Variants in CASKIN1 observed in about 807,000 individuals in gnomAD.
CASKIN1 encodes caskin-1.
CASKIN1 carries 42 observed loss-of-function variants against 117.5 expected under a neutral mutation model. The ratio of observed to expected loss-of-function variants is 0.36; its 90% CI spans 0.28 to 0.46. The LOEUF is 0.46. CASKIN1 is among the 20% of genes least tolerant of loss of function. The pLI, the probability that CASKIN1 is intolerant of heterozygous loss-of-function variation, is 1.00. For synonymous variants in CASKIN1, 1,148 were observed against 961.7 expected, an observed-to-expected ratio of 1.19 and a Z score of -3.59; for missense variants, 2,083 against 2,077.3, an observed-to-expected ratio of 1.00 and a Z score of -0.05.
Position 2,187,353 on chromosome 16 carries a change from A to G in CASKIN1, c.726T>C (p.Asp242=). Reference sequence around the variant, plus strand: ...CAGCGCCCCTGGGCCCCACACTCACATCCAGCAGCAGCCGCACCACCTCTG... The same window carrying G: ...CAGCGCCCCTGGGCCCCACACTCACGTCCAGCAGCAGCCGCACCACCTCTG... ...GKTEVVRLLL[D]SGINAHVRNT... The change falls in exon 7 of 20, where the codon GAT becomes GAC. Residue 242 remains aspartate (D), a splice_region_variant and synonymous_variant. Coordinates refer to ENST00000343516, the MANE Select transcript of CASKIN1 (RefSeq NM_020764.4). 6 of 1,612,798 alleles carry G rather than the reference A, an allele frequency of 3.7e-6. No homozygotes were observed. The highest frequency in any genetic ancestry group is 5.1e-6 in the Non-Finnish European group (6 of 1,179,764).
chr16:2,180,559 C>T lies in CASKIN1; in HGVS notation c.2809G>A (p.Ala937Thr). Residue 937 changes from alanine (A) to threonine (T), a missense_variant, in exon 18 of 20, where the codon GCC becomes ACC. Physicochemically the swap from Ala to Thr is moderately conservative, Grantham distance 58 (BLOSUM62 0). Around this residue, in one of 3 missense-constraint regions of CASKIN1, gnomAD observed 1,818 missense variants for 1,688.9 expected, o/e 1.08. Coordinates refer to ENST00000343516, the MANE Select transcript of CASKIN1 (RefSeq NM_020764.4). ...GGCCCCTTCTTTCGGGGCCGCACGG[C>T]AAAGGACTGGCTGCGGTTGACGTTC... is the stretch of plus-strand genomic sequence containing the variant. ...DKNVNRSQSF[A>T]VRPRKKGPPP... 3.2e-6 allele frequency: 5 copies of T among 1,557,074 alleles called. No individual in the cohort carries two copies. Among genetic ancestry groups the T allele is most frequent in the Non-Finnish European group, 4.3e-6 (5 of 1,158,104 alleles).
intron 17 of CASKIN1, 60 bp downstream of exon 17, chr16:2,181,731 G>A: frequency 4.4e-6 from 7 of 1,574,322 alleles, no homozygotes; most frequent in African/African-American, 1.3e-5. Flanking sequence ...GCTGGTGGCT[G>A]GTGGCTGGGG....
chr16:2,196,310 C>A lies in CASKIN1; in HGVS notation c.94+29G>T. 1 of 1,104,802 alleles carries A rather than the reference C, an allele frequency of 9.1e-7. No individual in the cohort carries two copies. Among genetic ancestry groups the A allele is most frequent in the East Asian group, 4.4e-5 (1 of 22,674 alleles). 68.4% of individuals were successfully genotyped at this position (1,104,802 alleles called of 1,614,324 possible). On this transcript the variant is annotated intron_variant, in intron 1 of 19. Coordinates refer to ENST00000343516, the MANE Select transcript of CASKIN1 (RefSeq NM_020764.4). The surrounding 1 kb of genome is among the most constrained non-coding windows in gnomAD (Gnocchi z 5.7). ...GCCGGGGAGGGGCCCCCGGGGCTCCCACCCGCGCCCCGCGCCCCCGGCACT... is the reference window on the plus strand; with the variant it reads ...GCCGGGGAGGGGCCCCCGGGGCTCCAACCCGCGCCCCGCGCCCCCGGCACT...
intron 1 of CASKIN1, among the ~76,000 whole-genome samples, chr16:2,192,324 A>T (rs907754365): frequency 1.0e-4 from 15 of 150,222 alleles, no homozygotes; most frequent in African/African-American, 3.4e-4. Flanking sequence ...AAGGAGAGAG[A>T]ACATGAATCA....
rs374640749 is a variant in CASKIN1, at chr16:2,180,907, G to A, written c.2461C>T (p.Arg821Cys). The change falls in exon 18 of 20, where the codon CGC becomes TGC. Residue 821 changes from arginine (R) to cysteine (C), a missense_variant. This residue lies in a region of CASKIN1 where 1,818 missense variants were observed against 1,688.9 expected (regional missense o/e 1.08). Transcript: ENST00000343516. ...LPPTERPMSP[R>C]SLPQSPTHRG... ...TGCGTCGGTGACTGAGGCAGGGAGC[G>A]GGGTGACATGGGGCGCTCTGTCGGC... 3.9e-4 allele frequency: 570 copies of A among 1,451,892 alleles called. No homozygotes were observed. Among genetic ancestry groups the A allele is most frequent in the Non-Finnish European group, 4.6e-4 (506 of 1,108,772 alleles). The allele number at this position is 1,451,892 out of a possible 1,614,324, so 89.9% of individuals were successfully genotyped here.
At chr16:2,191,091 C>T (rs1448161853) in intron 1 of CASKIN1, among the ~76,000 whole-genome samples, 1 of 152,210 alleles carries the variant, frequency 6.6e-6, no homozygotes, top group Non-Finnish European at 1.5e-5. Context: ...CCACCGATGC[C>T]CTCCCAGTGG....
rs925880767 is a variant in CASKIN1, at chr16:2,180,807, G to C, written c.2561C>G (p.Pro854Arg). 5.0e-6 allele frequency: 7 copies of C among 1,398,032 alleles called. No homozygotes were observed. The highest frequency in any genetic ancestry group is 6.5e-6 in the Non-Finnish European group (7 of 1,084,840). 86.6% of individuals were successfully genotyped at this position (1,398,032 alleles called of 1,614,324 possible). The change falls in exon 18 of 20, where the codon CCA becomes CGA. Residue 854 changes from proline to arginine, a missense_variant. Around this residue, in one of 3 missense-constraint regions of CASKIN1, gnomAD observed 1,818 missense variants for 1,688.9 expected, o/e 1.08. Transcript: ENST00000343516. ...VGPAAPGPAP[P>R]PVPTAVPTLC... ...TGTGGGCACAGCCGTCGGCACGGGT[G>C]GGGGCGCAGGCCCCGGGGCAGCCGG...
intron 6 of CASKIN1, among the ~76,000 whole-genome samples, chr16:2,188,347 C>T (rs2093191040): frequency 6.6e-6 from 1 of 151,316 alleles, no homozygotes; most frequent in African/African-American, 2.4e-5. Context: ...TCACCACAAC[C>T]AGCCGATTTT....
chr16:2,177,998 G>A lies in CASKIN1; in HGVS notation c.*552C>T. On this transcript the variant is annotated 3_prime_UTR_variant, in exon 20 of 20. Transcript: ENST00000343516. ...AGCTAGACTTCGTGTCCTTTCAGTT[G>A]GTAAATGGTTTTCTATAGAATCAAT... 2.5e-6 allele frequency: 1 copy of A among 396,190 alleles called. No individual in the cohort carries two copies. The highest frequency in any genetic ancestry group is 4.8e-6 in the Non-Finnish European group (1 of 210,278). 24.5% of individuals were successfully genotyped at this position (396,190 alleles called of 1,614,324 possible).
chr16:2,178,701 A>AC (rs1294151970), intron 19 of CASKIN1, 55 bp from the exon 20 acceptor site: 24 of 1,478,498 alleles, frequency 1.6e-5, no homozygotes, highest in Admixed American at 2.0e-5. Context: ...GGCCACGCCC[A>AC]CCCCGACCAG....
intron 1 of CASKIN1, among the ~76,000 whole-genome samples, chr16:2,195,332 G>A (rs999544218): frequency 3.3e-5 from 5 of 152,240 alleles, no homozygotes; most frequent in Non-Finnish European, 7.3e-5. Context: ...CCTGGAGGAA[G>A]GGGAGGGGGA....
rs2093151025 is a variant in CASKIN1, at chr16:2,178,408, G to T, written c.*142C>A. 1.8e-6 allele frequency: 1 copy of T among 553,746 alleles called. No individual in the cohort carries two copies. Among genetic ancestry groups the T allele is most frequent in the Admixed American group, 4.4e-5 (1 of 22,568 alleles). 34.3% of individuals were successfully genotyped at this position (553,746 alleles called of 1,614,324 possible). ...CCAGGCGGTCCCCGGTGGGCGCCCC[G>T]GCCCGGGTCCAGGGGCCGGAGTTGT... On this transcript the variant is annotated 3_prime_UTR_variant, in exon 20 of 20. Coordinates refer to ENST00000343516, the MANE Select transcript of CASKIN1 (RefSeq NM_020764.4).
intron 3 of CASKIN1, 30 bp downstream of exon 3, chr16:2,190,042 GC>G: frequency 6.4e-7 from 1 of 1,568,384 alleles, no homozygotes; most frequent in Non-Finnish European, 8.8e-7. Context: ...CCCCGCCCCT[GC>G]CCCCACCAGA....
intron 10 of CASKIN1, among the ~76,000 whole-genome samples, chr16:2,185,990 A>AT (rs981391181): frequency 8.6e-5 from 13 of 151,036 alleles, no homozygotes; most frequent in East Asian, 5.8e-4. Flanking sequence ...TTTAATCATT[A>AT]TTTTTTTTTG....
Position 2,180,089 on chromosome 16 carries a change from A to G in CASKIN1, c.3279T>C (p.Asp1093=). 1 of 1,563,756 alleles carries G rather than the reference A, an allele frequency of 6.4e-7. No homozygotes were observed. The highest frequency in any genetic ancestry group is 8.7e-7 in the Non-Finnish European group (1 of 1,155,538). ...CCCGAGGCCGCTGCCGGCCAGTGCCATCCTCCACAAAGGGGCCTGGGTCTG... is the reference window on the plus strand; with the variant it reads ...CCCGAGGCCGCTGCCGGCCAGTGCCGTCCTCCACAAAGGGGCCTGGGTCTG... ...ESADPGPFVE[D]GTGRQRPRGP... is the part of the protein sequence containing the mutation. The change falls in exon 18 of 20, where the codon GAT becomes GAC. Residue 1093 remains aspartate, a synonymous_variant. Coordinates refer to ENST00000343516, the MANE Select transcript of CASKIN1 (RefSeq NM_020764.4).
Position 2,182,013 on chromosome 16 carries a change from AC to A in CASKIN1, c.1630-85del. On this transcript the variant is annotated intron_variant, in intron 16 of 19. Coordinates refer to ENST00000343516, the MANE Select transcript of CASKIN1 (RefSeq NM_020764.4). This position sits in a 1 kb window ranked among gnomAD's most constrained non-coding sequence, Gnocchi z 4.1. ...ACCTGGAGCTGGAGGAGGAAGGGTC[AC>A]CGGGCCAGCAGGGCACAGACAGACA... is the stretch of plus-strand genomic sequence containing the variant. 2 of 1,584,362 alleles carry A rather than the reference AC, an allele frequency of 1.3e-6. No homozygotes were observed. The highest frequency in any genetic ancestry group is 1.7e-6 in the Non-Finnish European group (2 of 1,160,612).
rs765040682 is a variant in CASKIN1 at position 2,180,242 on chromosome 16, G to A, written c.3126C>T (p.Thr1042=). The change falls in exon 18 of 20, where the codon ACC becomes ACT. Residue 1042 remains threonine (T), a synonymous_variant. Transcript: ENST00000343516. ...PASPEPGRVA[T]VLASVKHKEA... ...CTTTGTGTTTCACTGAGGCCAGCAC[G>A]GTGGCCACCCGGCCCGGCTCTGGGC... 28 of 1,553,524 alleles carry A rather than the reference G, an allele frequency of 1.8e-5. No homozygotes were observed. In the South Asian group the frequency reaches 2.1e-4, roughly 12 times the overall value.
Position 2,182,036 on chromosome 16 carries a change from G to C in CASKIN1, c.1630-107C>G. 6.7e-7 allele frequency: 1 copy of C among 1,500,784 alleles called. No homozygotes were observed. The highest frequency in any genetic ancestry group is 1.2e-5 in the South Asian group (1 of 83,684). 93.0% of individuals were successfully genotyped at this position (1,500,784 alleles called of 1,614,324 possible). A position where few individuals can be genotyped will look rare whatever the true frequency, so the allele number is the denominator to read the frequency against. ...TCACCGGGCCAGCAGGGCACAGACA[G>C]ACAGGAGGACAAACGGATAGGCCGA... is the stretch of plus-strand genomic sequence containing the variant. On this transcript the variant is annotated intron_variant, in intron 16 of 19. Coordinates refer to ENST00000343516, the MANE Select transcript of CASKIN1 (RefSeq NM_020764.4). The surrounding 1 kb of genome is among the most constrained non-coding windows in gnomAD (Gnocchi z 4.1).
In CASKIN1 at chr16:2,179,261, C is replaced by T. The variant is rs1373304844; in HGVS notation, c.3840G>A (p.Ala1280=). The T allele has an allele frequency of 8.3e-7, 1 of 1,210,426 alleles. No individual in the cohort carries two copies. The highest frequency in any genetic ancestry group is 1.0e-6 in the Non-Finnish European group (1 of 974,896). The allele number at this position is 1,210,426 out of a possible 1,614,324, so 75.0% of individuals were successfully genotyped here. ...VSPKPPPPPT[A]PKPVKAVAGL... ...CCGCGACCGCCTTGACGGGCTTGGG[C>T]GCTGTGGGCGGCGGCGGCGGCTTGG... Residue 1280 remains alanine, a synonymous_variant, in exon 19 of 20, where the codon GCG becomes GCA. Transcript: ENST00000343516. The surrounding 1 kb of genome is among the most constrained non-coding windows in gnomAD (Gnocchi z 5.8).
Sources: gnomAD v4.1 joint callset for allele counts (sites outside exome capture counted in the v4.1 genomes callset) on GRCh38, gnomAD v4.1.1 for gene constraint, gnomAD v4.1.1 regional missense constraint, Gnocchi (gnomAD v3.1) non-coding constraint, MANE v1.5 for transcripts, NCBI Gene and HGNC (gene_info 2026-07-23, HGNC 2026-07-21) for gene names.